Variants in NHS observed in about 807,000 individuals in gnomAD.
NHS encodes actin remodeling regulator NHS.
NHS carries 5 observed loss-of-function variants against 72.5 expected under a neutral mutation model. That is an observed-to-expected ratio of 0.07 (90% CI 0.04 to 0.14). The LOEUF (loss-of-function observed/expected upper bound fraction) is 0.14. Among genes scored for constraint, NHS ranks in the 10% least tolerant of loss-of-function variants. NHS has a pLI of 1.00. For synonymous variants in NHS, 464 were observed against 547.7 expected, an observed-to-expected ratio of 0.85 and a Z score of 2.13; for missense variants, 1,072 against 1,355.7, an observed-to-expected ratio of 0.79 and a Z score of 3.29.
chrX:17,385,451 T>G (rs1286958133), intron 1 of NHS, among the ~76,000 whole-genome samples: 1 of 111,462 alleles, frequency 9.0e-6, no homozygotes, highest in Non-Finnish European at 1.9e-5. Context: ...GAGGTGGAGG[T>G]TGCAGTAAGC....
At chrX:17,652,847 C>T (rs1049692494) in intron 1 of NHS, among the ~76,000 whole-genome samples, 5 of 109,828 alleles carry the variant, frequency 4.6e-5, no homozygotes, top group African/African-American at 6.6e-5. Flanking sequence ...TACTGTATGC[C>T]GAAAATATGT....
intron 1 of NHS, among the ~76,000 whole-genome samples, chrX:17,598,314 A>G (rs1219354257): frequency 8.9e-6 from 1 of 112,052 alleles, no homozygotes; most frequent in Non-Finnish European, 1.9e-5. Flanking sequence ...TTAACTGGCC[A>G]GGCGCCAAGA....
In NHS at chrX:17,653,334, G is replaced by A. The variant is rs144850983; in HGVS notation, c.566-34408G>A. ...CAGAGAGTCAAATAATTTTCCCAAG[G>A]CCACACTTGTTAAGAACTGGAGGAG... On this transcript the variant is annotated intron_variant, in intron 1 of 8. Coordinates refer to ENST00000676302, the MANE Select transcript of NHS (RefSeq NM_001291867.2). 7.2e-3 allele frequency among the ~76,000 whole-genome samples: 803 copies of A among 111,327 alleles called. 5 individuals are homozygous for A. The highest frequency in any genetic ancestry group is 0.012 in the Non-Finnish European group (619 of 53,007).
At chrX:17,417,272 C>G (rs763260165) in intron 1 of NHS, among the ~76,000 whole-genome samples, 1 of 111,722 alleles carries the variant, frequency 9.0e-6, no homozygotes, top group East Asian at 2.8e-4. Flanking sequence ...TACTCAAAGT[C>G]TGCTGTTGTA....
At chrX:17,408,812 G>A (rs1336566751) in intron 1 of NHS, among the ~76,000 whole-genome samples, 1 of 112,026 alleles carries the variant, frequency 8.9e-6, no homozygotes, top group African/African-American at 3.2e-5. Context: ...AATTCCTCAT[G>A]GTTCTGGAGG....
At chrX:17,439,052 G>A (rs1258778490) in intron 1 of NHS, among the ~76,000 whole-genome samples, 1 of 99,839 alleles carries the variant, frequency 1.0e-5, no homozygotes, top group Non-Finnish European at 2.0e-5. Context: ...CCCAGACCTA[G>A]CATCAGTTCC....
intron 4 of NHS, among the ~76,000 whole-genome samples, chrX:17,720,922 G>A (rs2066402537): frequency 8.9e-6 from 1 of 112,209 alleles, no homozygotes; most frequent in African/African-American, 3.2e-5. Context: ...TAGTCCTGGA[G>A]TGAAATTAAC....
chrX:17,561,229 G>A (rs1329463549), intron 1 of NHS, among the ~76,000 whole-genome samples: 2 of 112,104 alleles, frequency 1.8e-5, no homozygotes, highest in Non-Finnish European at 3.8e-5. Flanking sequence ...CTGAATAGAT[G>A]TTGTTGCTCT....
At chrX:17,730,102 G>C (rs1384003225) in intron 8 of NHS, among the ~76,000 whole-genome samples, 2 of 112,123 alleles carry the variant, frequency 1.8e-5, no homozygotes, top group Non-Finnish European at 3.8e-5. Context: ...TCACCCCTGT[G>C]CCTAGTCTAA....
intron 1 of NHS, among the ~76,000 whole-genome samples, chrX:17,387,493 C>T (rs1228900138): frequency 4.5e-5 from 5 of 112,113 alleles, no homozygotes; most frequent in Non-Finnish European, 9.4e-5. Flanking sequence ...ATTTCTCTGA[C>T]TCTAGAGTGT....
intron 1 of NHS, among the ~76,000 whole-genome samples, chrX:17,508,762 G>A (rs935715238): frequency 8.9e-6 from 1 of 112,357 alleles, no homozygotes; most frequent in Non-Finnish European, 1.9e-5. Flanking sequence ...GAGCCACTGT[G>A]CCCGGCTCAT....
At chrX:17,449,105 G>A (rs1371616881) in intron 1 of NHS, among the ~76,000 whole-genome samples, 1 of 112,824 alleles carries the variant, frequency 8.9e-6, no homozygotes, top group Non-Finnish European at 1.9e-5. Context: ...GACCCAGGTT[G>A]GCTGTTTCCA....
chrX:17,574,650 C>T (rs2065500169), intron 1 of NHS, among the ~76,000 whole-genome samples: 1 of 112,242 alleles, frequency 8.9e-6, no homozygotes, highest in Admixed American at 9.4e-5. Context: ...ACCCCTTGTG[C>T]TTCCTAGGTG....
intron 1 of NHS, among the ~76,000 whole-genome samples, chrX:17,447,075 C>T (rs1019134798): frequency 1.8e-5 from 2 of 111,709 alleles, no homozygotes; most frequent in Non-Finnish European, 3.8e-5. Flanking sequence ...CTTGTGGGTG[C>T]CAATTGGTGT....
At chrX:17,376,542 C>T (rs1167082391) in intron 1 of NHS, among the ~76,000 whole-genome samples, 2 of 112,381 alleles carry the variant, frequency 1.8e-5, no homozygotes, top group Non-Finnish European at 3.8e-5. Flanking sequence ...CAGACGTGGA[C>T]GGTGGAAAGT....
At chrX:17,426,396 C>T (rs1443899685) in intron 1 of NHS, among the ~76,000 whole-genome samples, 1 of 111,416 alleles carries the variant, frequency 9.0e-6, no homozygotes, top group Non-Finnish European at 1.9e-5. Flanking sequence ...CTTGTTCTCT[C>T]ATCTATTAAA....
At chrX:17,474,034 ACTACTACCC>A (rs1305792847) in intron 1 of NHS, among the ~76,000 whole-genome samples, 2 of 111,205 alleles carry the variant, frequency 1.8e-5, no homozygotes, top group Non-Finnish European at 3.8e-5. Flanking sequence ...AGGTATTAAG[ACTACTACCC>A]AATAGTTATT....
At chrX:17,490,308 G>A in intron 1 of NHS, among the ~76,000 whole-genome samples, 1 of 112,351 alleles carries the variant, frequency 8.9e-6, no homozygotes, top group Non-Finnish European at 1.9e-5. Context: ...TGTATAAGGT[G>A]TAAGAAAGGG....
At chrX:17,553,054 G>A (rs2065344617) in intron 1 of NHS, among the ~76,000 whole-genome samples, 1 of 112,972 alleles carries the variant, frequency 8.9e-6, no homozygotes, top group South Asian at 3.6e-4. Flanking sequence ...CCATGTCCTG[G>A]GAGACTCCCC....
Sources: allele counts gnomAD v4.1 joint callset (sites outside exome capture counted in the v4.1 genomes callset), GRCh38; gene constraint gnomAD v4.1.1; transcripts MANE v1.5; gene names NCBI Gene and HGNC (gene_info 2026-07-23, HGNC 2026-07-21).